ANKS4B: variants seen among roughly 807,000 people sequenced by gnomAD.
ANKS4B encodes the protein ankyrin repeat and SAM domain-containing protein 4B.
Under a neutral mutation model 20.2 loss-of-function variants are expected in ANKS4B, and 21 were observed. The observed-to-expected ratio is 1.04, with a 90% CI of 0.74 to 1.50. The LOEUF is 1.50. ANKS4B is among the 40% of genes most tolerant of loss of function. The probability of loss-of-function intolerance (pLI) is 0.00; values close to 1 mark genes in which losing one functional copy is unlikely to be tolerated. For missense variants in ANKS4B, 473 were observed against 494.6 expected, an observed-to-expected ratio of 0.96 and a Z score of 0.41; for synonymous variants, 179 against 194.5, an observed-to-expected ratio of 0.92 and a Z score of 0.66.
At chr16:21,246,836 G>A (rs1333429129) in intron 1 of ANKS4B, among the ~76,000 whole-genome samples, 1 of 152,188 alleles carries the variant, frequency 6.6e-6, no homozygotes, top group Admixed American at 6.5e-5. Flanking sequence ...GATGGTTGAA[G>A]GCAAAGAATG....
At chr16:21,237,406 ATACCT>A (rs2093321517) in intron 1 of ANKS4B, among the ~76,000 whole-genome samples, 1 of 152,188 alleles carries the variant, frequency 6.6e-6, no homozygotes, top group Admixed American at 6.5e-5. Context: ...CTATAACAAA[ATACCT>A]TAGATTAGGT....
chr16:21,233,885 A>G lies in ANKS4B; in HGVS notation c.148A>G (p.Ile50Val). The G allele has an allele frequency of 1.9e-6, 3 of 1,613,176 alleles. No individual in the cohort carries two copies. The highest frequency in any genetic ancestry group is 2.5e-6 in the Non-Finnish European group (3 of 1,179,586). The change falls in exon 1 of 2, where the codon ATA (isoleucine) becomes GTA (valine). Residue 50 changes from isoleucine (I) to valine (V), a missense_variant. Physicochemically the swap from Ile to Val is conservative, Grantham distance 29. Transcript: ENST00000311620. ...CCATGGGAACTTGGAAGCCCTAGAG[A>G]TAATCTGCAGTAGAGGGTAAGTTCA... ...AYHGNLEALE[I>V]ICSRGGDPDR...
rs941726549 is a variant in ANKS4B, at chr16:21,234,368, AT to A, written c.164+474del. Among the ~76,000 whole-genome samples the A allele has an allele frequency of 5.5e-4, 83 of 151,508 alleles. 1 individual carries two copies. The highest frequency in any genetic ancestry group is 1.5e-4 in the Non-Finnish European group (10 of 67,902). ...CTTTCAATCCCAGTGCAAGCTCATG[AT>A]TTTTTTATTTTTTATTTTTGACACA... On this transcript the variant is annotated intron_variant, in intron 1 of 1. Transcript: ENST00000311620.
intron 1 of ANKS4B, among the ~76,000 whole-genome samples, chr16:21,237,901 C>T (rs2093322123): frequency 1.3e-5 from 2 of 152,186 alleles, no homozygotes. Flanking sequence ...GTGGCTCACT[C>T]CTGTAATCCC....
intron 1 of ANKS4B, among the ~76,000 whole-genome samples, chr16:21,235,819 T>C (rs1220375312): frequency 6.6e-6 from 1 of 152,134 alleles, no homozygotes; most frequent in Non-Finnish European, 1.5e-5. Context: ...GAAGCAGATC[T>C]TCCCCATCTC....
intron 1 of ANKS4B, among the ~76,000 whole-genome samples, chr16:21,234,682 T>C (rs2152858970): frequency 6.6e-6 from 1 of 152,246 alleles, no homozygotes; most frequent in Non-Finnish European, 1.5e-5. Flanking sequence ...TCCAATTGAA[T>C]ACCCATTTAT....
At chr16:21,245,699 C>T (rs959235745) in intron 1 of ANKS4B, among the ~76,000 whole-genome samples, 1 of 152,018 alleles carries the variant, frequency 6.6e-6, no homozygotes, top group Admixed American at 6.6e-5. Flanking sequence ...TCCTGGCCTC[C>T]AGTGATCCAC....
chr16:21,246,038 G>A (rs2093331868), intron 1 of ANKS4B, among the ~76,000 whole-genome samples: 1 of 152,144 alleles, frequency 6.6e-6, no homozygotes, highest in African/African-American at 2.4e-5. Context: ...TTTTGGTGTT[G>A]CAAAGAAATA....
At position 21,243,529 on chromosome 16, in the gene ANKS4B, T is replaced by C. The variant is rs572019228; in HGVS notation, c.165-6202T>C. Among the ~76,000 whole-genome samples the C allele has an allele frequency of 2.6e-5, 4 of 152,276 alleles. No individual in the cohort carries two copies. The South Asian group carries it at 6.2e-4, about 24-fold the overall frequency. On this transcript the variant is annotated intron_variant, in intron 1 of 1. Transcript: ENST00000311620. ...ATTTCCATTTAAATTGTACATCAAT[T>C]TGGAAATGTGTCTGTAAGTAGAAGT...
chr16:21,249,588 A>C (rs1368157056), intron 1 of ANKS4B, 143 bp from the exon 2 acceptor site: 1 of 955,290 alleles, frequency 1.0e-6, no homozygotes, highest in Non-Finnish European at 1.5e-6. Flanking sequence ...ACTTGCAGCC[A>C]GTATCTTATA....
At chr16:21,243,236 A>C (rs1002065181) in intron 1 of ANKS4B, among the ~76,000 whole-genome samples, 6 of 152,212 alleles carry the variant, frequency 3.9e-5, no homozygotes, top group Non-Finnish European at 8.8e-5. Context: ...GCCCAAATGC[A>C]CTGATCTACC....
At position 21,249,964 on chromosome 16, in the gene ANKS4B, C is replaced by T; in HGVS notation, c.398C>T (p.Thr133Ile). 2.5e-6 allele frequency: 4 copies of T among 1,614,148 alleles called. No homozygotes were observed. The highest frequency in any genetic ancestry group is 3.4e-6 in the Non-Finnish European group (4 of 1,180,032). ...AQNIMNPKKV[T>I]RLKEQAQKNA... The stretch of plus-strand genomic sequence containing the variant: ...AACATCATGAACCCCAAGAAGGTCA[C>T]CAGGCTGAAGGAGCAGGCTCAGAAG... Residue 133 changes from threonine (T) to isoleucine (I), a missense_variant, in exon 2 of 2, where the codon ACC (threonine) becomes ATC (isoleucine). Thr to Ile is a moderately conservative substitution (Grantham distance 89). Coordinates refer to ENST00000311620, the MANE Select transcript of ANKS4B (RefSeq NM_145865.3).
chr16:21,250,431 G>C lies in ANKS4B; in HGVS notation c.865G>C (p.Asp289His). 6.2e-7 allele frequency: 1 copy of C among 1,614,154 alleles called. No homozygotes were observed. The highest frequency in any genetic ancestry group is 8.5e-7 in the Non-Finnish European group (1 of 1,180,032). ...GATATCGAGTCCTGAAGACATCTCAGATAGCAAGAGAGAGTTTGGTTTTAA... is the reference window on the plus strand; with the variant it reads ...GATATCGAGTCCTGAAGACATCTCACATAGCAAGAGAGAGTTTGGTTTTAA... Reference protein sequence around the residue: ...NRISSPEDISDSKREFGFKLP... With the variant: ...NRISSPEDISHSKREFGFKLP... Residue 289 changes from aspartate to histidine, a missense_variant, in exon 2 of 2, where the codon GAT becomes CAT. Transcript: ENST00000311620.
intron 1 of ANKS4B, among the ~76,000 whole-genome samples, chr16:21,243,363 G>A (rs114653207): frequency 0.021 from 3,158 of 152,256 alleles, 103 homozygotes; most frequent in African/African-American, 0.072. Flanking sequence ...AAACCGTAGA[G>A]CATCAATGTT....
At chr16:21,241,032 G>T (rs765670534) in intron 1 of ANKS4B, among the ~76,000 whole-genome samples, 1 of 152,132 alleles carries the variant, frequency 6.6e-6, no homozygotes, top group African/African-American at 2.4e-5. Flanking sequence ...GACTTCAGGC[G>T]ATCCACCTGC....
rs2093341024 is a variant in ANKS4B at position 21,252,710 on chromosome 16, A to C, written c.*1890A>C. The C allele has an allele frequency of 6.6e-6, 1 of 152,218 alleles. No homozygotes were observed. Among genetic ancestry groups the C allele is most frequent in the African/African-American group, 2.4e-5 (1 of 41,448 alleles). The allele number at this position is 152,218 out of a possible 1,614,324, so 9.4% of individuals were successfully genotyped here. On this transcript the variant is annotated 3_prime_UTR_variant, in exon 2 of 2. Transcript: ENST00000311620. ...TACTGTTGTCTGTCACCATTGCCGC[A>C]TATCTGAATATGTGTAGGTTCCACG...
intron 1 of ANKS4B, among the ~76,000 whole-genome samples, chr16:21,240,676 G>C (rs146667971): frequency 6.6e-6 from 1 of 151,860 alleles, no homozygotes; most frequent in Non-Finnish European, 1.5e-5. Context: ...CCCTTTAAAA[G>C]ACAATCATAT....
rs148265056 is a variant in ANKS4B, at chr16:21,241,226, G to A, written c.164+7325G>A. On this transcript the variant is annotated intron_variant, in intron 1 of 1. Transcript: ENST00000311620. ...CATGGTACCAAATAGTTTTTCAACC[G>A]TTGCCCTCCTCTCATAGTCCCCCGT... Among the ~76,000 whole-genome samples the A allele has an allele frequency of 8.5e-5, 13 of 152,226 alleles. 1 individual carries two copies. The East Asian group carries it at 2.3e-3, about 27-fold the overall frequency.
In ANKS4B at chr16:21,233,838, C is replaced by T; in HGVS notation, c.101C>T (p.Thr34Ile). 1 of 1,613,942 alleles carries T rather than the reference C, an allele frequency of 6.2e-7. No individual in the cohort carries two copies. Among genetic ancestry groups the T allele is most frequent in the Non-Finnish European group, 8.5e-7 (1 of 1,179,904 alleles). Residue 34 changes from threonine to isoleucine, a missense_variant, in exon 1 of 2, where the codon ACT becomes ATT. By Grantham distance (89) the Thr-to-Ile change is moderately conservative (BLOSUM62 -1). Transcript: ENST00000311620. ...AATCTTTCGGATGAAGACGGCATGA[C>T]TCCTACTCTCTTGGCAGCCTACCAT... ...DLNLSDEDGM[T>I]PTLLAAYHGN...
Sources: allele counts gnomAD v4.1 joint callset (sites outside exome capture counted in the v4.1 genomes callset), GRCh38; gene constraint gnomAD v4.1.1; transcripts MANE v1.5; gene names NCBI Gene and HGNC (gene_info 2026-07-23, HGNC 2026-07-21).